The following ZDHHC11B variants were observed in gnomAD, a reference collection of about 807,000 sequenced individuals.
ZDHHC11B encodes the protein zDHHC palmitoyltransferase 11B (putative).
A neutral mutation model predicts 42.3 loss-of-function variants in ZDHHC11B; 17 were observed. The observed-to-expected ratio is 0.40, with a 90% CI of 0.27 to 0.60. The LOEUF is 0.60. Among genes scored for constraint, ZDHHC11B ranks in the 20% least tolerant of loss-of-function variants. The pLI is 0.41. For synonymous variants in ZDHHC11B, 123 were observed against 193.5 expected, an observed-to-expected ratio of 0.64 and a Z score of 3.02; for missense variants, 262 against 463.2, an observed-to-expected ratio of 0.57 and a Z score of 3.99.
intron 10 of ZDHHC11B, among the ~76,000 whole-genome samples, chr5:737,619 T>G (rs1184411969): frequency 6.7e-6 from 1 of 149,598 alleles, no homozygotes; most frequent in Non-Finnish European, 1.5e-5. Flanking sequence ...CAAGTGGGTT[T>G]CATACCACGT....
At chr5:714,749 G>A (rs1451137337) in intron 13 of ZDHHC11B, among the ~76,000 whole-genome samples, 2 of 135,340 alleles carry the variant, frequency 1.5e-5, no homozygotes, top group Admixed American at 7.3e-5. Flanking sequence ...TCTTTGCTGT[G>A]GTTTGGACAT....
intron 1 of ZDHHC11B, among the ~76,000 whole-genome samples, chr5:776,525 C>A (rs1216925698): frequency 6.6e-6 from 1 of 151,870 alleles, no homozygotes; most frequent in Non-Finnish European, 1.5e-5. Context: ...TGGGCCCACG[C>A]AGTGTGCTCC....
intron 4 of ZDHHC11B, among the ~76,000 whole-genome samples, chr5:757,957 GC>G (rs1477682259): frequency 1.3e-5 from 2 of 151,790 alleles, no homozygotes; most frequent in Non-Finnish European, 2.9e-5. Flanking sequence ...GTCTGCAGGG[GC>G]CCCACCGGAC....
rs570331262 is a variant in ZDHHC11B, at chr5:766,565, G to A, written c.222+133C>T. 9.6e-4 allele frequency: 998 copies of A among 1,040,490 alleles called. 35 individuals are homozygous for A. The South Asian group carries it at 0.015, about 15-fold the overall frequency. 64.5% of individuals were successfully genotyped at this position (1,040,490 alleles called of 1,614,324 possible). Reference sequence around the variant, plus strand: ...GGCCACTGGGCCCACCTGCAGGCTCGGGGGACATAGTCTGGCCCAGGACAG... The same window carrying A: ...GGCCACTGGGCCCACCTGCAGGCTCAGGGGACATAGTCTGGCCCAGGACAG... On this transcript the variant is annotated intron_variant, in intron 4 of 13. Transcript: ENST00000508859.
Position 714,301 on chromosome 5 carries a change from T to G in ZDHHC11B, c.*8-2019A>C, listed in dbSNP as rs1440595095. Among the ~76,000 whole-genome samples the G allele has an allele frequency of 2.1e-5, 3 of 141,466 alleles. No individual in the cohort carries two copies. In the East Asian group the frequency reaches 6.0e-4, roughly 28 times the overall value. The allele number at this position is 141,466 out of a possible 152,430, so 92.8% of individuals were successfully genotyped here. A position where few individuals can be genotyped will look rare whatever the true frequency, so the allele number is the denominator to read the frequency against. ...AATCTACCTTAAGTACTTTCTGGGA[T>G]TATGTAAAAATCAGACAACTCTCCT... is the stretch of plus-strand genomic sequence containing the variant. On this transcript the variant is annotated intron_variant, in intron 13 of 13. Transcript: ENST00000508859.
intron 1 of ZDHHC11B, among the ~76,000 whole-genome samples, chr5:779,389 C>G (rs1238936731): frequency 2.7e-5 from 4 of 150,058 alleles, no homozygotes; most frequent in Non-Finnish European, 4.4e-5. Context: ...CTCAGCACCC[C>G]TCATGGGGAA....
intron 12 of ZDHHC11B, among the ~76,000 whole-genome samples, chr5:721,708 G>A (rs1456502787): frequency 6.6e-6 from 1 of 151,772 alleles, no homozygotes; most frequent in African/African-American, 2.4e-5. Flanking sequence ...CCAGAGGTGT[G>A]GCAGGTGGGA....
intron 8 of ZDHHC11B, chr5:748,155 T>G (rs1163872921): frequency 1.7e-6 from 1 of 572,244 alleles, no homozygotes; most frequent in Non-Finnish European, 3.0e-6. Context: ...GTCTCAGCGT[T>G]GAGTTCAGCT....
chr5:712,970 A>C (rs1741483497), intron 13 of ZDHHC11B, among the ~76,000 whole-genome samples: 1 of 150,262 alleles, frequency 6.7e-6, no homozygotes, highest in Non-Finnish European at 1.5e-5. Context: ...TTATCAATTG[A>C]ATTATGTTGT....
At position 743,931 on chromosome 5, in the gene ZDHHC11B, G is replaced by C. The variant is rs539122093; in HGVS notation, c.900+1252C>G. On this transcript the variant is annotated intron_variant, in intron 9 of 13. Transcript: ENST00000508859. ...AGGAAGTGGTGTCATCACCTGTGCCGAACCTCCAAGAGAGGGTCACCAGCC... is the reference window on the plus strand; with the variant it reads ...AGGAAGTGGTGTCATCACCTGTGCCCAACCTCCAAGAGAGGGTCACCAGCC... Among the ~76,000 whole-genome samples, 715 of 149,490 alleles carry C rather than the reference G, an allele frequency of 4.8e-3. 12 individuals carry two copies. The highest frequency in any genetic ancestry group is 0.017 in the African/African-American group (668 of 40,476).
chr5:727,251 T>C (rs1451225709), intron 12 of ZDHHC11B, among the ~76,000 whole-genome samples: 3 of 128,878 alleles, frequency 2.3e-5, no homozygotes, highest in Admixed American at 7.9e-5. Context: ...ACGGAGCTTC[T>C]GGGGCAACTC....
intron 12 of ZDHHC11B, among the ~76,000 whole-genome samples, chr5:729,672 G>A: frequency 6.6e-6 from 1 of 150,862 alleles, no homozygotes; most frequent in Admixed American, 6.6e-5. Flanking sequence ...CTTTAGTAGA[G>A]TGTAGGAGCG....
At chr5:739,701 G>C (rs1743951183) in intron 10 of ZDHHC11B, among the ~76,000 whole-genome samples, 1 of 145,924 alleles carries the variant, frequency 6.9e-6, no homozygotes, top group Non-Finnish European at 1.5e-5. Context: ...ATAAAAAACA[G>C]TACGGAGATT....
intron 12 of ZDHHC11B, among the ~76,000 whole-genome samples, chr5:730,073 A>T (rs1399401024): frequency 6.6e-6 from 1 of 151,636 alleles, no homozygotes; most frequent in Admixed American, 6.6e-5. Context: ...AGCTGTCATC[A>T]GTGGATGTAT....
At chr5:727,892 G>C (rs1742711223) in intron 12 of ZDHHC11B, among the ~76,000 whole-genome samples, 1 of 151,736 alleles carries the variant, frequency 6.6e-6, no homozygotes, top group African/African-American at 2.4e-5. Context: ...GAGTAAGAAA[G>C]ACTTTTTAAA....
chr5:778,591 G>A (rs1736733056), intron 1 of ZDHHC11B, among the ~76,000 whole-genome samples: 1 of 151,882 alleles, frequency 6.6e-6, no homozygotes, highest in Admixed American at 6.6e-5. Flanking sequence ...TACCCTTGGG[G>A]CTCAGGGTCC....
intron 4 of ZDHHC11B, among the ~76,000 whole-genome samples, chr5:766,019 C>T (rs1490868207): frequency 7.2e-5 from 11 of 152,000 alleles, no homozygotes; most frequent in Middle Eastern, 3.4e-3. Flanking sequence ...GTTCCCCAGG[C>T]CCCTTTGTCC....
chr5:713,160 A>G (rs1157401056), intron 13 of ZDHHC11B, among the ~76,000 whole-genome samples: 1 of 151,366 alleles, frequency 6.6e-6, no homozygotes, highest in Non-Finnish European at 1.5e-5. Flanking sequence ...CTGTATTCTC[A>G]TTCATTTTTT....
chr5:748,638 T>G (rs3817060), intron 7 of ZDHHC11B, 79 bp from the exon 8 acceptor site: 136,464 of 1,208,864 alleles, frequency 0.11, 30,680 homozygotes, highest in East Asian at 0.59. Context: ...AGACCAGAGC[T>G]TGCTGGGGAT....
Sources: gnomAD v4.1 joint callset for allele counts (sites outside exome capture counted in the v4.1 genomes callset) on GRCh38, gnomAD v4.1.1 for gene constraint, MANE v1.5 for transcripts, NCBI Gene and HGNC (gene_info 2026-07-23, HGNC 2026-07-21) for gene names.